BTBD8: variants seen among roughly 807,000 people sequenced by gnomAD.
The protein encoded by BTBD8 is BTB/POZ domain-containing protein 8.
In BTBD8, 110 loss-of-function variants were observed where a neutral mutation model predicts 162.9. That is an observed-to-expected ratio of 0.68 (90% confidence interval 0.58 to 0.79). The LOEUF (loss-of-function observed/expected upper bound fraction) is 0.79, where lower values mean the gene tolerates loss of function less well. Ranked by LOEUF, BTBD8 falls within the 30% of genes least tolerant of loss-of-function variation. BTBD8 has a pLI of 0.00. For missense variants in BTBD8, 1,905 were observed against 2,085.4 expected, an observed-to-expected ratio of 0.91 and a Z score of 1.68; for synonymous variants, 667 against 716.1, an observed-to-expected ratio of 0.93 and a Z score of 1.10.
chr1:92,094,076 G>A (rs1648386076), intron 2 of BTBD8, among the ~76,000 whole-genome samples: 1 of 152,192 alleles, frequency 6.6e-6, no homozygotes, highest in Non-Finnish European at 1.5e-5. Context: ...GCATTATCTT[G>A]TTTTATTTTT....
At chr1:92,126,596 A>G (rs1471309669) in intron 4 of BTBD8, 1 of 382,196 alleles carries the variant, frequency 2.6e-6, no homozygotes, top group Non-Finnish European at 5.1e-6. Context: ...ATATATTAAA[A>G]GTTGCACTTA....
At chr1:92,179,888 C>T (rs1281000816) in intron 16 of BTBD8, among the ~76,000 whole-genome samples, 1 of 151,340 alleles carries the variant, frequency 6.6e-6, no homozygotes, top group Admixed American at 6.6e-5. Flanking sequence ...TTTTTTTTCT[C>T]CAAAAACTTC....
chr1:92,093,096 A>G (rs1251506523), intron 2 of BTBD8, among the ~76,000 whole-genome samples: 1 of 152,114 alleles, frequency 6.6e-6, no homozygotes, highest in Non-Finnish European at 1.5e-5. Context: ...AATATACTAT[A>G]ATTTAAGCAG....
intron 10 of BTBD8, 56 bp downstream of exon 10, chr1:92,167,196 A>G (rs763441265): frequency 2.4e-5 from 37 of 1,530,860 alleles, no homozygotes; most frequent in South Asian, 6.2e-5. Flanking sequence ...TCTGATTTCA[A>G]TTATGTAAGA....
intron 9 of BTBD8, among the ~76,000 whole-genome samples, chr1:92,149,429 G>A (rs1249260406): frequency 6.6e-6 from 1 of 152,186 alleles, no homozygotes; most frequent in Non-Finnish European, 1.5e-5. Flanking sequence ...TATCATGTTA[G>A]ATGGAAGCAT....
At chr1:92,119,590 A>G (rs1207588878) in intron 4 of BTBD8, among the ~76,000 whole-genome samples, 2 of 149,686 alleles carry the variant, frequency 1.3e-5, no homozygotes, top group Non-Finnish European at 3.0e-5. Context: ...CTGGCTTTTT[A>G]CTTTGTATCC....
chr1:92,141,029 C>A, intron 6 of BTBD8, 86 bp from the exon 7 acceptor site: 1 of 1,211,938 alleles, frequency 8.3e-7, no homozygotes, highest in Non-Finnish European at 1.1e-6. Context: ...TTTTTAAAAA[C>A]AGACTATATA....
intron 9 of BTBD8, among the ~76,000 whole-genome samples, chr1:92,159,170 CTTTCTTTTTTTTT>C (rs1226490346): frequency 6.7e-6 from 1 of 149,356 alleles, no homozygotes; most frequent in East Asian, 2.0e-4. Context: ...TTCTTTCTTT[CTTTCTTTTTTTTT>C]TTTTCTGGAG....
intron 11 of BTBD8, among the ~76,000 whole-genome samples, chr1:92,168,567 G>A (rs1449313671): frequency 1.3e-5 from 2 of 152,144 alleles, no homozygotes; most frequent in African/African-American, 2.4e-5. Context: ...ATTCCATAGA[G>A]CATTTGACCT....
intron 10 of BTBD8, 145 bp downstream of exon 10, chr1:92,167,285 A>T: frequency 8.9e-7 from 1 of 1,122,606 alleles, no homozygotes; most frequent in South Asian, 1.7e-5. Context: ...TTTACATAGG[A>T]TTTAAGGCAG....
intron 2 of BTBD8, among the ~76,000 whole-genome samples, chr1:92,093,359 A>C (rs1226211830): frequency 6.6e-6 from 1 of 151,766 alleles, no homozygotes; most frequent in Non-Finnish European, 1.5e-5. Context: ...TGCCCGGCTA[A>C]TTTTGTATTT....
chr1:92,088,794 CT>C lies in BTBD8; in HGVS notation c.248del (p.Phe83SerfsTer13). 6.2e-7 allele frequency: 1 copy of C among 1,613,264 alleles called. No individual in the cohort carries two copies. The highest frequency in any genetic ancestry group is 1.1e-5 in the South Asian group (1 of 91,036). On this transcript the variant is annotated frameshift_variant, in exon 2 of 18. Coordinates refer to ENST00000636805, the MANE Select transcript of BTBD8 (RefSeq NM_001376131.1). LOFTEE classifies it high-confidence loss of function. ...KAVLLARVPD[F>X]YFHTIGQTSN... ...CAGTCCTTTTAGCAAGAGTTCCTGA[CT>C]TCTATTTTCATACTATTGGACAGAC...
At chr1:92,083,088 A>T (rs1648064596) in intron 1 of BTBD8, among the ~76,000 whole-genome samples, 2 of 151,814 alleles carry the variant, frequency 1.3e-5, no homozygotes, top group African/African-American at 2.4e-5. Flanking sequence ...GTGAGCTGAG[A>T]TCAAGCCACT....
Position 92,080,632 on chromosome 1 carries a change from T to C in BTBD8, c.61T>C (p.Cys21Arg), listed in dbSNP as rs77011141. ...GGTACTTCTGGGGTCCGCTGGAGTT[T>C]GCAGTAAGGGGTTGCAAAGGAAGGG... The part of the protein sequence containing the change: ...PMVLLGSAGV[C>R]SKGLQRKGPC... The change falls in exon 1 of 18, where the codon TGC (cysteine) becomes CGC (arginine). Residue 21 changes from cysteine (C) to arginine (R), a missense_variant. Physicochemically the swap from Cys to Arg is radical, Grantham distance 180. This residue lies in a region of BTBD8 where 1,374 missense variants were observed against 1,442.7 expected (regional missense o/e 0.95). Transcript: ENST00000636805. 1.4e-3 allele frequency: 2,200 copies of C among 1,613,954 alleles called. 21 individuals carry two copies. The African/African-American group carries it at 0.017, about 13-fold the overall frequency.
intron 9 of BTBD8, among the ~76,000 whole-genome samples, chr1:92,155,436 A>G (rs1650139260): frequency 6.6e-6 from 1 of 151,770 alleles, no homozygotes; most frequent in African/African-American, 2.4e-5. Context: ...TAAAATTTTT[A>G]TCTGTCTAGC....
chr1:92,087,436 A>T (rs748670391), intron 1 of BTBD8, among the ~76,000 whole-genome samples: 7 of 152,218 alleles, frequency 4.6e-5, no homozygotes, highest in Non-Finnish European at 1.0e-4. Context: ...ATTTATTGAA[A>T]ATATTGACCA....
intron 4 of BTBD8, chr1:92,125,727 G>T: frequency 2.3e-6 from 1 of 440,194 alleles, no homozygotes. Flanking sequence ...TGAAAAGAAT[G>T]TGCTGATTTC....
chr1:92,164,955 AC>A (rs1287416824), intron 9 of BTBD8, among the ~76,000 whole-genome samples: 3 of 151,766 alleles, frequency 2.0e-5, no homozygotes, highest in Non-Finnish European at 4.4e-5. Context: ...CCTGGCCAGT[AC>A]TTTTTTTAAA....
Position 92,125,581 on chromosome 1 carries a change from C to G in BTBD8, c.663-4106C>G, listed in dbSNP as rs113373176. 98 of 262,252 alleles carry G rather than the reference C, an allele frequency of 3.7e-4. 1 individual carries two copies. Among genetic ancestry groups the G allele is most frequent in the African/African-American group, 2.2e-3 (95 of 43,868 alleles). 16.2% of individuals were successfully genotyped at this position (262,252 alleles called of 1,614,324 possible). A position where few individuals can be genotyped will look rare whatever the true frequency, so the allele number is the denominator to read the frequency against. ...TCCACCCAACCCAGTGGTTAAAGATCAGAGGTGACAAGGTACCGTCAGCAC... is the reference window on the plus strand; with the variant it reads ...TCCACCCAACCCAGTGGTTAAAGATGAGAGGTGACAAGGTACCGTCAGCAC... On this transcript the variant is annotated intron_variant, in intron 4 of 17. Transcript: ENST00000636805.
Sources: allele counts gnomAD v4.1 joint callset (sites outside exome capture counted in the v4.1 genomes callset), GRCh38; gene constraint gnomAD v4.1.1; regional missense constraint gnomAD v4.1.1; transcripts MANE v1.5; gene names NCBI Gene and HGNC (gene_info 2026-07-23, HGNC 2026-07-21).